Variants in CADPS observed in about 807,000 individuals in gnomAD.
The protein encoded by CADPS is calcium-dependent secretion activator 1.
CADPS carries 57 observed loss-of-function variants against 167.3 expected under a neutral mutation model. The observed-to-expected ratio is 0.34, with a 90% CI of 0.28 to 0.42. CADPS has a LOEUF of 0.42. CADPS is among the 20% of genes least tolerant of loss of function. The pLI, the probability that CADPS is intolerant of heterozygous loss-of-function variation, is 1.00. For synonymous variants in CADPS, 676 were observed against 635.3 expected, an observed-to-expected ratio of 1.06 and a Z score of -0.96; for missense variants, 1,414 against 1,738.1, an observed-to-expected ratio of 0.81 and a Z score of 3.32.
intron 3 of CADPS, among the ~76,000 whole-genome samples, chr3:62,691,517 C>A (rs1011894711): frequency 2.0e-5 from 3 of 151,992 alleles, no homozygotes; most frequent in African/African-American, 4.8e-5. Flanking sequence ...AAAAAAAATT[C>A]TTTCAACAGC....
At chr3:62,577,235 T>C (rs942598933) in intron 8 of CADPS, among the ~76,000 whole-genome samples, 2 of 152,354 alleles carry the variant, frequency 1.3e-5, no homozygotes, top group East Asian at 1.9e-4. Flanking sequence ...TCTTCTCTCA[T>C]ATGGTATTTG....
intron 3 of CADPS, among the ~76,000 whole-genome samples, chr3:62,742,981 T>C (rs1357741928): frequency 6.6e-6 from 1 of 152,042 alleles, no homozygotes; most frequent in Non-Finnish European, 1.5e-5. Context: ...TGAACACTTC[T>C]CAAAAGAAGA....
chr3:62,614,860 T>C (rs1000113005), intron 6 of CADPS, among the ~76,000 whole-genome samples: 2 of 152,188 alleles, frequency 1.3e-5, no homozygotes, highest in Non-Finnish European at 2.9e-5. Flanking sequence ...ATAAGTACCC[T>C]CACCCTTCTC....
chr3:62,473,066 T>C (rs988324549), intron 24 of CADPS, among the ~76,000 whole-genome samples: 1 of 152,152 alleles, frequency 6.6e-6, no homozygotes, highest in Non-Finnish European at 1.5e-5. Flanking sequence ...GAGTTTAACG[T>C]ACACTGAAAC....
chr3:62,705,172 C>T (rs1484130712), intron 3 of CADPS, among the ~76,000 whole-genome samples: 1 of 152,142 alleles, frequency 6.6e-6, no homozygotes, highest in Non-Finnish European at 1.5e-5. Context: ...GAGTAACTCT[C>T]TCACCATTTG....
intron 24 of CADPS, among the ~76,000 whole-genome samples, chr3:62,471,896 G>T (rs914145213): frequency 3.9e-5 from 6 of 151,978 alleles, no homozygotes; most frequent in Non-Finnish European, 7.4e-5. Flanking sequence ...TAATGGTCAA[G>T]TATCCAGAAC....
At chr3:62,661,182 C>T (rs2073120371) in intron 4 of CADPS, among the ~76,000 whole-genome samples, 1 of 150,960 alleles carries the variant, frequency 6.6e-6, no homozygotes, top group African/African-American at 2.4e-5. Flanking sequence ...AACAGTAAGA[C>T]ATAACCTCAA....
At chr3:62,518,378 A>T in intron 13 of CADPS, 128 bp from the exon 14 acceptor site, 1 of 672,922 alleles carries the variant, frequency 1.5e-6, no homozygotes, top group Non-Finnish European at 2.5e-6. Context: ...GCTCAGGAGA[A>T]GCCCAGCTAT....
chr3:62,555,468 A>G (rs1021166262), intron 10 of CADPS, among the ~76,000 whole-genome samples: 1 of 152,226 alleles, frequency 6.6e-6, no homozygotes, highest in South Asian at 2.1e-4. Context: ...CCAAAGCGTG[A>G]CATGGGTTAG....
At chr3:62,776,043 G>T (rs1156950647) in intron 1 of CADPS, among the ~76,000 whole-genome samples, 1 of 152,098 alleles carries the variant, frequency 6.6e-6, no homozygotes, top group African/African-American at 2.4e-5. Context: ...TTAACATAGT[G>T]AGAAAAAAGC....
At chr3:62,591,150 G>C (rs550597023) in intron 7 of CADPS, among the ~76,000 whole-genome samples, 2 of 152,120 alleles carry the variant, frequency 1.3e-5, no homozygotes, top group Non-Finnish European at 2.9e-5. Context: ...GAGCCACCGC[G>C]CCTGGCTGAA....
At chr3:62,582,743 G>A (rs2083686350) in intron 8 of CADPS, among the ~76,000 whole-genome samples, 1 of 152,164 alleles carries the variant, frequency 6.6e-6, no homozygotes, top group African/African-American at 2.4e-5. Context: ...ATTTTAAAAT[G>A]GAAGTCCAGC....
chr3:62,758,935 T>C (rs1011665308), intron 2 of CADPS, among the ~76,000 whole-genome samples: 2 of 152,220 alleles, frequency 1.3e-5, no homozygotes, highest in African/African-American at 4.8e-5. Context: ...TGCTAGCTGA[T>C]AAGCTGAGAA....
rs1005636056 is a variant in CADPS, at chr3:62,420,890, A to G, written c.3777+17214T>C. ...CACACACACACACACACACACACAC[A>G]CACACACACACAGGCACACACACAC... On this transcript the variant is annotated intron_variant, in intron 28 of 29. Transcript: ENST00000383710. The surrounding 1 kb of genome is among the most constrained non-coding windows in gnomAD (Gnocchi z 4.1). Among the ~76,000 whole-genome samples the G allele has an allele frequency of 6.7e-3, 900 of 133,844 alleles. 10 individuals are homozygous for G. Among genetic ancestry groups the G allele is most frequent in the African/African-American group, 0.025 (802 of 32,534 alleles). 87.8% of individuals were successfully genotyped at this position (133,844 alleles called of 152,430 possible). A position where few individuals can be genotyped will look rare whatever the true frequency, so the allele number is the denominator to read the frequency against.
chr3:62,438,741 GT>G lies in CADPS; in HGVS notation c.3670-531del, dbSNP rs2055688214. 6.5e-6 allele frequency: 1 copy of G among 154,290 alleles called. No individual in the cohort carries two copies. The highest frequency in any genetic ancestry group is 2.4e-5 in the African/African-American group (1 of 41,294). 9.6% of individuals were successfully genotyped at this position (154,290 alleles called of 1,614,324 possible). A position where few individuals can be genotyped will look rare whatever the true frequency, so the allele number is the denominator to read the frequency against. On this transcript the variant is annotated intron_variant, in intron 27 of 29. Transcript: ENST00000383710. This position sits in a 1 kb window ranked among gnomAD's most constrained non-coding sequence, Gnocchi z 4.7. ...TGTGTGTGTGTGTGTGTGTGTGTGT[GT>G]GTGTGTGTGTGTGTGTATAGCTTAA...
At chr3:62,599,833 TAA>T (rs2059637200) in intron 6 of CADPS, among the ~76,000 whole-genome samples, 2 of 3,870 alleles carry the variant, frequency 5.2e-4, no homozygotes, top group Non-Finnish European at 1.6e-3. Context: ...ATTATATATA[TAA>T]TATATTATAT....
At chr3:62,817,310 G>A (rs978129134) in intron 1 of CADPS, among the ~76,000 whole-genome samples, 22 of 152,130 alleles carry the variant, frequency 1.4e-4, no homozygotes, top group Non-Finnish European at 8.8e-5. Context: ...ATGATGGTGA[G>A]CATCGCAAAT....
intron 1 of CADPS, among the ~76,000 whole-genome samples, chr3:62,826,686 A>G (rs2074103865): frequency 1.3e-5 from 2 of 151,966 alleles, no homozygotes; most frequent in Admixed American, 1.3e-4. Flanking sequence ...ATCATTCTTA[A>G]CCTTTCATGG....
At chr3:62,572,777 T>C (rs969923122) in intron 8 of CADPS, among the ~76,000 whole-genome samples, 3 of 152,222 alleles carry the variant, frequency 2.0e-5, no homozygotes, top group African/African-American at 7.2e-5. Flanking sequence ...AGGGAATTGG[T>C]TCCAGGACCC....
Sources: gnomAD v4.1 joint callset for allele counts (sites outside exome capture counted in the v4.1 genomes callset) on GRCh38, gnomAD v4.1.1 for gene constraint, Gnocchi (gnomAD v3.1) non-coding constraint, MANE v1.5 for transcripts, NCBI Gene and HGNC (gene_info 2026-07-23, HGNC 2026-07-21) for gene names.